FRMD4B: variants seen among roughly 807,000 people sequenced by gnomAD.
FRMD4B encodes the protein FERM domain containing 4B.
In FRMD4B, 74 loss-of-function variants were observed where a neutral mutation model predicts 141.5. That is an observed-to-expected ratio of 0.52 (90% CI 0.43 to 0.63). FRMD4B has a LOEUF of 0.63. FRMD4B is among the 30% of genes least tolerant of loss of function. FRMD4B has a pLI of 0.00. For missense variants in FRMD4B, 1,366 were observed against 1,253.4 expected (o/e 1.09, Z -1.36); for synonymous variants, 506 against 467.9 (o/e 1.08, Z -1.05).
intron 1 of FRMD4B, among the ~76,000 whole-genome samples, chr3:69,486,543 C>T (rs149299234): frequency 2.6e-5 from 4 of 152,258 alleles, no homozygotes; most frequent in African/African-American, 9.6e-5. Flanking sequence ...TGCCAGGTAA[C>T]TAAGCCATTA....
rs76897777 is a variant in FRMD4B, at chr3:69,368,360, G to C, written c.162+17468C>G. On this transcript the variant is annotated intron_variant, in intron 1 of 22. Coordinates refer to ENST00000398540, the MANE Select transcript of FRMD4B (RefSeq NM_015123.3). ...TCACACAAAGGAAACAGATAAAGCT[G>C]TTCATCCCATTACAACATCTATTAG... Among the ~76,000 whole-genome samples the C allele has an allele frequency of 1.8e-3, 274 of 152,284 alleles. 2 individuals carry two copies. The highest frequency in any genetic ancestry group is 6.4e-3 in the African/African-American group (265 of 41,558).
intron 1 of FRMD4B, among the ~76,000 whole-genome samples, chr3:69,317,252 C>G (rs1262352488): frequency 6.6e-6 from 1 of 152,182 alleles, no homozygotes; most frequent in Non-Finnish European, 1.5e-5. Context: ...CTAGGTTTTA[C>G]TTGGTCCTGC....
intron 1 of FRMD4B, among the ~76,000 whole-genome samples, chr3:69,456,731 T>TG (rs1705972523): frequency 7.0e-6 from 1 of 142,306 alleles, no homozygotes; most frequent in African/African-American, 2.7e-5. Flanking sequence ...ATTCCATTTT[T>TG]GTAAAAAAAA....
intron 1 of FRMD4B, among the ~76,000 whole-genome samples, chr3:69,328,073 T>C (rs1702242512): frequency 6.6e-6 from 1 of 152,050 alleles, no homozygotes; most frequent in Non-Finnish European, 1.5e-5. Context: ...CCAGGGAACA[T>C]AACTGGGAGG....
At chr3:69,178,037 G>A (rs2092667200) in intron 21 of FRMD4B, among the ~76,000 whole-genome samples, 1 of 152,196 alleles carries the variant, frequency 6.6e-6, no homozygotes, top group Admixed American at 6.5e-5. Flanking sequence ...TAATTTGGGA[G>A]CGAAGCCCAA....
At chr3:69,514,582 G>A (rs1700720669) in intron 1 of FRMD4B, among the ~76,000 whole-genome samples, 1 of 152,022 alleles carries the variant, frequency 6.6e-6, no homozygotes, top group African/African-American at 2.4e-5. Flanking sequence ...CAGCTACTCA[G>A]GAGGCTGAGG....
chr3:69,369,660 C>T (rs542743654), intron 1 of FRMD4B, among the ~76,000 whole-genome samples: 5 of 152,178 alleles, frequency 3.3e-5, no homozygotes, highest in East Asian at 1.9e-4. Context: ...CTTATGAGCT[C>T]GGCTGGAACT....
intron 17 of FRMD4B, among the ~76,000 whole-genome samples, chr3:69,192,101 A>G (rs1368834595): frequency 1.3e-5 from 2 of 152,134 alleles, no homozygotes; most frequent in African/African-American, 2.4e-5. Flanking sequence ...GAACTAACCC[A>G]AGGCTGGGCG....
intron 1 of FRMD4B, among the ~76,000 whole-genome samples, chr3:69,476,164 T>C (rs74988871): frequency 0.43 from 65,183 of 150,136 alleles, 14,265 homozygotes; most frequent in East Asian, 0.51. Context: ...GCCTGTTCAC[T>C]CTGATGGTAG....
At chr3:69,474,025 T>A (rs988307150) in intron 1 of FRMD4B, among the ~76,000 whole-genome samples, 2 of 152,166 alleles carry the variant, frequency 1.3e-5, no homozygotes, top group African/African-American at 4.8e-5. Context: ...AAATTAGAGA[T>A]GCCCTACCGT....
At chr3:69,230,622 C>T (rs1410630502) in intron 7 of FRMD4B, among the ~76,000 whole-genome samples, 2 of 151,900 alleles carry the variant, frequency 1.3e-5, no homozygotes, top group Admixed American at 6.6e-5. Context: ...GTGGTGGGCA[C>T]CTGTAATCCC....
At chr3:69,197,767 A>G (rs2092923748) in intron 12 of FRMD4B, 1 of 152,458 alleles carries the variant, frequency 6.6e-6, no homozygotes, top group South Asian at 2.1e-4. Flanking sequence ...TATCACAGGT[A>G]TTTCCTCCCA....
chr3:69,529,045 C>T (rs908211829), intron 1 of FRMD4B, among the ~76,000 whole-genome samples: 1 of 152,146 alleles, frequency 6.6e-6, no homozygotes, highest in African/African-American at 2.4e-5. Context: ...AATGCAGGTG[C>T]TGGCAGCGGG....
intron 7 of FRMD4B, among the ~76,000 whole-genome samples, chr3:69,232,509 T>G (rs2093315076): frequency 6.6e-6 from 1 of 152,226 alleles, no homozygotes; most frequent in Non-Finnish European, 1.5e-5. Context: ...CCTTTGGTCA[T>G]TCTGAAGCCC....
intron 1 of FRMD4B, among the ~76,000 whole-genome samples, chr3:69,495,420 T>C (rs1218647873): frequency 2.6e-5 from 4 of 152,316 alleles, no homozygotes; most frequent in African/African-American, 9.6e-5. Context: ...AAATACACCA[T>C]GGGAAGGCAG....
In FRMD4B at chr3:69,180,127, G is replaced by A. The variant is rs566635494; in HGVS notation, c.2851+772C>T. ...TACAATATGCATGGCCAGGCACTGC[G>A]GCTCTCACATGTAATCCCAACACTT... is the stretch of plus-strand genomic sequence containing the variant. On this transcript the variant is annotated intron_variant, in intron 21 of 22. Transcript: ENST00000398540. Among the ~76,000 whole-genome samples, 49 of 152,062 alleles carry A rather than the reference G, an allele frequency of 3.2e-4. No individual in the cohort carries two copies. The South Asian group carries it at 6.2e-3, about 19-fold the overall frequency.
At chr3:69,286,058 T>A (rs7619331) in intron 5 of FRMD4B, among the ~76,000 whole-genome samples, 149,300 of 152,276 alleles carry the variant, frequency 0.98, 73,258 homozygotes, top group East Asian at 1. Flanking sequence ...ATCATGTGAA[T>A]TATCTTCTAA....
Position 69,310,581 on chromosome 3 carries a change from CAGAGAGAG to C in FRMD4B, c.323+674_323+681del, listed in dbSNP as rs56741050. ...ACACACACACACACACACACACACA[CAGAGAGAG>C]AGAGAGAGAGAGAGAGAGAGAGAAA... On this transcript the variant is annotated intron_variant, in intron 3 of 22. Transcript: ENST00000398540. 5.1e-3 allele frequency: 846 copies of C among 167,204 alleles called. 11 individuals are homozygous for C. Among genetic ancestry groups the C allele is most frequent in the African/African-American group, 0.018 (660 of 37,268 alleles). The allele number at this position is 167,204 out of a possible 1,614,324, so 10.4% of individuals were successfully genotyped here. A position where few individuals can be genotyped will look rare whatever the true frequency, so the allele number is the denominator to read the frequency against.
At chr3:69,247,658 C>CT (rs1186562101) in intron 7 of FRMD4B, among the ~76,000 whole-genome samples, 10 of 151,846 alleles carry the variant, frequency 6.6e-5, no homozygotes, top group Non-Finnish European at 1.3e-4. Context: ...AGCTAATTTT[C>CT]TTTTTTTTGA....
Sources: allele counts gnomAD v4.1 joint callset (sites outside exome capture counted in the v4.1 genomes callset), GRCh38; gene constraint gnomAD v4.1.1; transcripts MANE v1.5; gene names NCBI Gene and HGNC (gene_info 2026-07-23, HGNC 2026-07-21).